WNT5A: variants seen among roughly 807,000 people sequenced by gnomAD.
WNT5A encodes protein Wnt-5a.
WNT5A carries 9 observed loss-of-function variants against 42.1 expected under a neutral mutation model. The ratio of observed to expected loss-of-function variants is 0.21; its 90% CI spans 0.13 to 0.37. The LOEUF (loss-of-function observed/expected upper bound fraction) is 0.37. WNT5A is among the 10% of genes least tolerant of loss of function. The probability of loss-of-function intolerance (pLI) is 1.00; values close to 1 mark genes in which losing one functional copy is unlikely to be tolerated. For synonymous variants in WNT5A, 210 were observed against 210.0 expected, an observed-to-expected ratio of 1.00 and a Z score of 0.00; for missense variants, 426 against 534.0, an observed-to-expected ratio of 0.80 and a Z score of 1.99.
At chr3:55,476,540 G>T (rs1478689355) in intron 3 of WNT5A, among the ~76,000 whole-genome samples, 1 of 152,196 alleles carries the variant, frequency 6.6e-6, no homozygotes, top group Non-Finnish European at 1.5e-5. Flanking sequence ...ATCCTCTGGG[G>T]ATAGAGGAAA....
At chr3:55,472,103 C>T (rs1159023924) in intron 4 of WNT5A, among the ~76,000 whole-genome samples, 1 of 152,110 alleles carries the variant, frequency 6.6e-6, no homozygotes, top group East Asian at 1.9e-4. Flanking sequence ...GCCCCACCAT[C>T]CCAGAGCAAA....
upstream of WNT5A, chr3:55,488,322 C>T (rs1421617400): frequency 6.8e-6 from 1 of 146,020 alleles, no homozygotes; most frequent in Non-Finnish European, 1.5e-5. Context: ...ACGCGTCCCC[C>T]CCTCCCACCC....
chr3:55,492,626 C>T (rs758295922), upstream of WNT5A, among the ~76,000 whole-genome samples: 2 of 152,066 alleles, frequency 1.3e-5, no homozygotes, highest in African/African-American at 2.4e-5. Flanking sequence ...ATAGGATCAC[C>T]GGCCATGCCT....
At position 55,474,527 on chromosome 3, in the gene WNT5A, C is replaced by T; in HGVS notation, c.494G>A (p.Ser165Asn). 1 of 1,563,154 alleles carries T rather than the reference C, an allele frequency of 6.4e-7. No individual in the cohort carries two copies. The highest frequency in any genetic ancestry group is 2.4e-5 in the East Asian group (1 of 41,856). Residue 165 changes from serine (S) to asparagine (N), a missense_variant, in exon 4 of 5, where the codon AGC (serine) becomes AAC (asparagine). This residue lies in a region of WNT5A where 358 missense variants were observed against 468.1 expected (regional missense o/e 0.76). Coordinates refer to ENST00000264634, the MANE Select transcript of WNT5A (RefSeq NM_003392.7). ...REGELSTCGC[S>N]RAARPKDLPR... ...CAGGTCCTTGGGGCGCGCGGCGCGGCTGCAGCCGCAGGTGGACAGCTCGCC... is the reference window on the plus strand; with the variant it reads ...CAGGTCCTTGGGGCGCGCGGCGCGGTTGCAGCCGCAGGTGGACAGCTCGCC...
chr3:55,504,177 C>A, the WNT5A span, among the ~76,000 whole-genome samples: 4 of 151,140 alleles, frequency 2.6e-5, no homozygotes, highest in African/African-American at 4.9e-5. Flanking sequence ...GTGGCTGAGG[C>A]AGGATTGCTT....
At chr3:55,491,911 G>A (rs1010737363), upstream of WNT5A, among the ~76,000 whole-genome samples, 2 of 152,208 alleles carry the variant, frequency 1.3e-5, no homozygotes, top group Non-Finnish European at 2.9e-5. Context: ...GAAAGGGGTC[G>A]GGGGCTTCCT....
intron 4 of WNT5A, among the ~76,000 whole-genome samples, chr3:55,470,961 G>T (rs190075634): frequency 1.4e-4 from 22 of 152,270 alleles, no homozygotes; most frequent in African/African-American, 5.3e-4. Flanking sequence ...GAAGGAAAGT[G>T]AGACCCAGAG....
Position 55,466,675 on chromosome 3 carries a change from G to A in WNT5A, c.*3417C>T, listed in dbSNP as rs909701332. Reference sequence around the variant, plus strand: ...AATTTTTTATTAATTTTCTTGTATTGGGAAGATCTTGAATACGCTCCAGGA... The same window carrying A: ...AATTTTTTATTAATTTTCTTGTATTAGGAAGATCTTGAATACGCTCCAGGA... On this transcript the variant is annotated 3_prime_UTR_variant, in exon 5 of 5. Coordinates refer to ENST00000264634, the MANE Select transcript of WNT5A (RefSeq NM_003392.7). 6.6e-6 allele frequency: 1 copy of A among 152,406 alleles called. No homozygotes were observed. Among genetic ancestry groups the A allele is most frequent in the Non-Finnish European group, 1.5e-5 (1 of 68,004 alleles). 9.4% of individuals were successfully genotyped at this position (152,406 alleles called of 1,614,324 possible).
In WNT5A at chr3:55,482,692, GCTGGGGGGCGCATCCTGGAGAATGGAAAT is replaced by G. The variant is rs1448130248; in HGVS notation, c.7-1803_7-1775del. Among the ~76,000 whole-genome samples the G allele has an allele frequency of 2.0e-5, 3 of 152,198 alleles. No individual in the cohort carries two copies. In the South Asian group the frequency reaches 6.2e-4, roughly 32 times the overall value. On this transcript the variant is annotated intron_variant, in intron 1 of 4. Transcript: ENST00000264634. ...CCAGTTGTCCCCAAAACGCTGCAAA[GCTGGGGGGCGCATCCTGGAGAATGGAAAT>G]CTGGGGTTTCCCCAGCTAGGAGAGA...
At chr3:55,498,636 C>T in the WNT5A span, among the ~76,000 whole-genome samples, 1 of 152,176 alleles carries the variant, frequency 6.6e-6, no homozygotes, top group African/African-American at 2.4e-5. Context: ...GAGGACTCAC[C>T]TATACTCTCC....
intron 3 of WNT5A, among the ~76,000 whole-genome samples, chr3:55,477,647 G>C (rs472631): frequency 6.6e-6 from 1 of 151,902 alleles, no homozygotes; most frequent in Non-Finnish European, 1.5e-5. Flanking sequence ...GAGGAAGCAG[G>C]CTCTTTGAAT....
In WNT5A at chr3:55,467,496, G is replaced by A. The variant is rs1184947973; in HGVS notation, c.*2596C>T. ...AAATTCACCACTCTTTTATTACTTT[G>A]ACATGTAGTCATCCTAAACTATCCG... On this transcript the variant is annotated 3_prime_UTR_variant, in exon 5 of 5. Transcript: ENST00000264634. The A allele has an allele frequency of 6.7e-6, 1 of 149,354 alleles. No homozygotes were observed. The highest frequency in any genetic ancestry group is 2.5e-5 in the African/African-American group (1 of 40,244). The allele number at this position is 149,354 out of a possible 1,614,324, so 9.3% of individuals were successfully genotyped here. A position where few individuals can be genotyped will look rare whatever the true frequency, so the allele number is the denominator to read the frequency against.
chr3:55,487,747 G>C (rs888598829), upstream of WNT5A: 11 of 152,380 alleles, frequency 7.2e-5, no homozygotes, highest in African/African-American at 2.7e-4. Flanking sequence ...TTCTCCGGGA[G>C]ATGCCGCTGA....
chr3:55,472,268 T>A (rs1236898046), intron 4 of WNT5A, among the ~76,000 whole-genome samples: 1 of 152,208 alleles, frequency 6.6e-6, no homozygotes, highest in Non-Finnish European at 1.5e-5. Flanking sequence ...CTCTTGCCAC[T>A]TGGAAATCCC....
At chr3:55,486,000 A>G (rs1360028581) in intron 1 of WNT5A, among the ~76,000 whole-genome samples, 1 of 152,214 alleles carries the variant, frequency 6.6e-6, no homozygotes, top group Non-Finnish European at 1.5e-5. Context: ...GAGGACAGAT[A>G]AGAAAAATTG....
chr3:55,488,051 G>A (rs1395986489), upstream of WNT5A: 2 of 152,226 alleles, frequency 1.3e-5, no homozygotes, highest in Non-Finnish European at 2.9e-5. Context: ...GCGAGAGCTC[G>A]GAGCTCCGCG....
At position 55,470,382 on chromosome 3, in the gene WNT5A, C is replaced by T. The variant is rs1305199053; in HGVS notation, c.853G>A (p.Val285Ile). 2.5e-6 allele frequency: 4 copies of T among 1,613,928 alleles called. No homozygotes were observed. The South Asian group carries it at 4.4e-5, about 18-fold the overall frequency. The change falls in exon 5 of 5, where the codon GTA (valine) becomes ATA (isoleucine). Residue 285 changes from valine (V) to isoleucine (I), a missense_variant. By Grantham distance (29) the Val-to-Ile change is conservative. This residue lies in a region of WNT5A where 358 missense variants were observed against 468.1 expected (regional missense o/e 0.76). Transcript: ENST00000264634. ...GAGTTGAAGCGGCTGTTGACCTGTA[C>T]CAACTTGCCCCGGCTGTTGAGCCGC... ...AMRLNSRGKLVQVNSRFNSPT... is the reference protein window; with the variant it reads ...AMRLNSRGKLIQVNSRFNSPT...
At chr3:55,470,673 ATT>A in intron 4 of WNT5A, 123 bp from the exon 5 acceptor site, 5 of 908,548 alleles carry the variant, frequency 5.5e-6, no homozygotes, top group Non-Finnish European at 7.8e-6. Flanking sequence ...TAAGGACTGT[ATT>A]ATATTTCCTT....
chr3:55,489,826 G>T (rs1334136417), upstream of WNT5A: 2 of 152,296 alleles, frequency 1.3e-5, no homozygotes, highest in Non-Finnish European at 2.9e-5. Flanking sequence ...TCTAACCTGA[G>T]ATCTGCCCAC....
Sources: allele counts gnomAD v4.1 joint callset (sites outside exome capture counted in the v4.1 genomes callset), GRCh38; gene constraint gnomAD v4.1.1; regional missense constraint gnomAD v4.1.1; transcripts MANE v1.5; gene names NCBI Gene and HGNC (gene_info 2026-07-23, HGNC 2026-07-21).